CSGALNACT1: variants seen among roughly 807,000 people sequenced by gnomAD.
CSGALNACT1 encodes the protein chondroitin sulfate N-acetylgalactosaminyltransferase 1, also known as beta4GalNAcT-1.
CSGALNACT1 carries 52 observed loss-of-function variants against 51.0 expected under a neutral mutation model. The observed-to-expected ratio is 1.02, with a 90% confidence interval of 0.82 to 1.29. CSGALNACT1 has a LOEUF of 1.29. Among genes scored for constraint, CSGALNACT1 ranks in the 50% most tolerant of loss-of-function variants. The probability of loss-of-function intolerance (pLI) is 0.00; values close to 1 mark genes in which losing one functional copy is unlikely to be tolerated. For missense variants in CSGALNACT1, 935 were observed against 679.2 expected (o/e 1.38, Z -4.19); for synonymous variants, 341 against 254.4 (o/e 1.34, Z -3.24).
intron 3 of CSGALNACT1, among the ~76,000 whole-genome samples, chr8:19,517,251 A>C (rs2079734075): frequency 6.6e-6 from 1 of 151,932 alleles, no homozygotes; most frequent in Non-Finnish European, 1.5e-5. Context: ...CAGCAGCCTG[A>C]CCAACATGGA....
chr8:19,440,418 C>G (rs1230712121), intron 5 of CSGALNACT1, among the ~76,000 whole-genome samples: 2 of 151,580 alleles, frequency 1.3e-5, no homozygotes, highest in Admixed American at 6.6e-5. Flanking sequence ...TCAATATATG[C>G]AAATCAATAA....
At chr8:19,705,092 A>G (rs1360204445) in intron 1 of CSGALNACT1, among the ~76,000 whole-genome samples, 2 of 152,132 alleles carry the variant, frequency 1.3e-5, no homozygotes, top group Non-Finnish European at 2.9e-5. Context: ...TGCACCACAA[A>G]AAGGTACTAT....
intron 3 of CSGALNACT1, among the ~76,000 whole-genome samples, chr8:19,513,463 T>TATATATATATATATATATATATATA (rs1563834590): frequency 4.9e-5 from 7 of 143,590 alleles, no homozygotes; most frequent in Non-Finnish European, 7.6e-5. Context: ...TATATATATA[T>TATATATATATATATATATATATATA]TTTGTGCCAT....
chr8:19,558,795 A>G (rs2040049836), intron 3 of CSGALNACT1, among the ~76,000 whole-genome samples: 1 of 152,196 alleles, frequency 6.6e-6, no homozygotes, highest in South Asian at 2.1e-4. Flanking sequence ...AAATCCAGTT[A>G]TTAAAAAAAT....
intron 1 of CSGALNACT1, among the ~76,000 whole-genome samples, chr8:19,673,815 G>C (rs2154199380): frequency 6.6e-6 from 1 of 152,264 alleles, no homozygotes; most frequent in African/African-American, 2.4e-5. Context: ...TCCTTTTTGT[G>C]AAGAAGTACT....
chr8:19,413,330 T>G (rs1489728598), intron 8 of CSGALNACT1, among the ~76,000 whole-genome samples: 8 of 152,146 alleles, frequency 5.3e-5, no homozygotes, highest in Non-Finnish European at 1.2e-4. Context: ...GGTCACATAG[T>G]GTGGCACTCG....
intron 1 of CSGALNACT1, among the ~76,000 whole-genome samples, chr8:19,670,023 C>A (rs918417777): frequency 6.6e-6 from 1 of 152,112 alleles, no homozygotes; most frequent in Non-Finnish European, 1.5e-5. Context: ...TCAATTATCC[C>A]AGGTCTACCT....
chr8:19,599,950 G>T (rs984001121), intron 2 of CSGALNACT1, among the ~76,000 whole-genome samples: 22 of 152,326 alleles, frequency 1.4e-4, no homozygotes, highest in African/African-American at 5.1e-4. Context: ...GGAGTTAATT[G>T]TTCCATTCAA....
chr8:19,600,774 C>G (rs2050236467), intron 2 of CSGALNACT1, among the ~76,000 whole-genome samples: 1 of 150,702 alleles, frequency 6.6e-6, no homozygotes. Flanking sequence ...AAAATCAAAT[C>G]ATTAACTACT....
At chr8:19,624,791 G>C (rs1219213255) in intron 1 of CSGALNACT1, among the ~76,000 whole-genome samples, 2 of 151,760 alleles carry the variant, frequency 1.3e-5, no homozygotes, top group Non-Finnish European at 2.9e-5. Context: ...CGATTCTCCT[G>C]CCTCAGCCTC....
chr8:19,751,406 T>G (rs556286554), intron 1 of CSGALNACT1, among the ~76,000 whole-genome samples: 1 of 152,300 alleles, frequency 6.6e-6, no homozygotes, highest in Non-Finnish European at 1.5e-5. Flanking sequence ...GTTTTTATCA[T>G]GGGAAGAGAA....
At chr8:19,547,210 T>C (rs1160005726) in intron 3 of CSGALNACT1, among the ~76,000 whole-genome samples, 2 of 152,222 alleles carry the variant, frequency 1.3e-5, no homozygotes. Flanking sequence ...GCTCCTCCTT[T>C]GCTGGTATTT....
chr8:19,541,409 C>T (rs2085096337), intron 3 of CSGALNACT1, among the ~76,000 whole-genome samples: 1 of 151,606 alleles, frequency 6.6e-6, no homozygotes, highest in African/African-American at 2.4e-5. Context: ...TGCCACCACA[C>T]CCGGCTAATT....
chr8:19,661,573 G>C (rs1032454158), intron 1 of CSGALNACT1, among the ~76,000 whole-genome samples: 1 of 152,220 alleles, frequency 6.6e-6, no homozygotes, highest in African/African-American at 2.4e-5. Context: ...GCTATGTGGA[G>C]TTTAAGTAAT....
chr8:19,756,950 G>A (rs1340019455), intron 1 of CSGALNACT1, among the ~76,000 whole-genome samples: 1 of 150,252 alleles, frequency 6.7e-6, no homozygotes, highest in Non-Finnish European at 1.5e-5. Context: ...TGGAGGCGCC[G>A]CGCCCTCCGC....
intron 3 of CSGALNACT1, among the ~76,000 whole-genome samples, chr8:19,546,620 C>A (rs1016867576): frequency 6.6e-5 from 10 of 152,216 alleles, no homozygotes; most frequent in Non-Finnish European, 1.3e-4. Context: ...CATCCACTCT[C>A]CCAAGTCAGT....
chr8:19,677,852 G>C (rs150504749), intron 1 of CSGALNACT1, among the ~76,000 whole-genome samples: 50 of 152,152 alleles, frequency 3.3e-4, no homozygotes, highest in African/African-American at 1.2e-3. Flanking sequence ...GAATGTTAAA[G>C]GTCACAGATG....
chr8:19,429,246 G>C (rs879286349), intron 6 of CSGALNACT1, among the ~76,000 whole-genome samples: 1 of 152,104 alleles, frequency 6.6e-6, no homozygotes, highest in African/African-American at 2.4e-5. Flanking sequence ...GTGCAATCTT[G>C]GTTCACCACA....
chr8:19,416,772 G>A (rs1322395583), intron 8 of CSGALNACT1, among the ~76,000 whole-genome samples: 1 of 152,160 alleles, frequency 6.6e-6, no homozygotes, highest in African/African-American at 2.4e-5. Context: ...TTGCATAAGT[G>A]CGCTGTATGA....
Sources: allele counts gnomAD v4.1 joint callset (sites outside exome capture counted in the v4.1 genomes callset), GRCh38; gene constraint gnomAD v4.1.1; transcripts MANE v1.5; gene names NCBI Gene and HGNC (gene_info 2026-07-23, HGNC 2026-07-21).